The following DIAPH1 variants were observed in gnomAD, a reference collection of about 807,000 sequenced individuals.
DIAPH1 encodes the protein diaphanous related formin 1, also known as protein diaphanous homolog 1.
In DIAPH1, 46 loss-of-function variants were observed where a neutral mutation model predicts 140.7. That is an observed-to-expected ratio of 0.33 (90% CI 0.26 to 0.42). The LOEUF (loss-of-function observed/expected upper bound fraction) is 0.42, where lower values mean the gene tolerates loss of function less well. DIAPH1 is among the 10% of genes least tolerant of loss of function. The pLI is 1.00. For missense variants in DIAPH1, 1,310 were observed against 1,558.7 expected, an observed-to-expected ratio of 0.84 and a Z score of 2.69; for synonymous variants, 565 against 551.6, an observed-to-expected ratio of 1.02 and a Z score of -0.34.
At chr5:141,593,014 A>G (rs2154596880) in intron 1 of DIAPH1, among the ~76,000 whole-genome samples, 1 of 152,324 alleles carries the variant, frequency 6.6e-6, no homozygotes, top group South Asian at 2.1e-4. Flanking sequence ...GGGAAGAACA[A>G]AAGAGCAACT....
At chr5:141,518,944 C>A (rs1398929993) in intron 27 of DIAPH1, 1 of 1,550,628 alleles carries the variant, frequency 6.4e-7, no homozygotes, top group South Asian at 1.2e-5. Flanking sequence ...CACAGGTTAC[C>A]AATTTAAAGG....
intron 1 of DIAPH1, among the ~76,000 whole-genome samples, chr5:141,597,810 T>G (rs2099899551): frequency 2.0e-5 from 3 of 152,178 alleles, no homozygotes; most frequent in African/African-American, 7.2e-5. Context: ...TTTCTTTCCT[T>G]CTCTGCTCTA....
chr5:141,588,411 A>T (rs2099897865), intron 1 of DIAPH1, among the ~76,000 whole-genome samples, 161 bp from the exon 2 acceptor site: 1 of 151,926 alleles, frequency 6.6e-6, no homozygotes, highest in Admixed American at 6.6e-5. Flanking sequence ...ATTCCTTAGC[A>T]CATTCCCTCA....
intron 12 of DIAPH1, 76 bp from the exon 13 acceptor site, chr5:141,576,947 C>T (rs754523776): frequency 1.4e-5 from 13 of 914,826 alleles, no homozygotes; most frequent in South Asian, 4.1e-5. Context: ...ACCAAGAAAA[C>T]GTAATTGCTC....
At chr5:141,520,850 C>T (rs1454945300) in intron 27 of DIAPH1, among the ~76,000 whole-genome samples, 1 of 152,170 alleles carries the variant, frequency 6.6e-6, no homozygotes, top group African/African-American at 2.4e-5. Context: ...CAAAAGTGGG[C>T]TACAGTGCTC....
chr5:141,588,630 C>T (rs1331795306), intron 1 of DIAPH1, among the ~76,000 whole-genome samples: 2 of 152,116 alleles, frequency 1.3e-5, no homozygotes, highest in African/African-American at 4.8e-5. Flanking sequence ...CTGGAAAAAA[C>T]TTTCATGTCC....
intron 1 of DIAPH1, among the ~76,000 whole-genome samples, chr5:141,590,331 C>T (rs2154596784): frequency 6.6e-6 from 1 of 152,270 alleles, no homozygotes; most frequent in East Asian, 1.9e-4. Context: ...GAGGGCTAAT[C>T]ACTCACCCAA....
At chr5:141,601,482 G>T (rs1333756361) in intron 1 of DIAPH1, among the ~76,000 whole-genome samples, 2 of 152,094 alleles carry the variant, frequency 1.3e-5, no homozygotes, top group South Asian at 2.1e-4. Flanking sequence ...TAGAGAAAGG[G>T]TTTCGCCATA....
At chr5:141,574,299 T>G in intron 15 of DIAPH1, 91 bp from the exon 16 acceptor site, 1 of 1,293,894 alleles carries the variant, frequency 7.7e-7, no homozygotes, top group South Asian at 1.2e-5. Context: ...TAATCCAAAC[T>G]TCTCATGTTA....
chr5:141,536,338 T>C (rs191614335), intron 18 of DIAPH1, among the ~76,000 whole-genome samples: 1 of 152,096 alleles, frequency 6.6e-6, no homozygotes, highest in East Asian at 1.9e-4. Context: ...GTAGTCCCAG[T>C]TTGAGGAAGA....
Position 141,565,171 on chromosome 5 carries a change from C to T in DIAPH1, c.2482+6257G>A, listed in dbSNP as rs1263604791. On this transcript the variant is annotated intron_variant, in intron 18 of 27. Transcript: ENST00000389054. The surrounding 1 kb of genome is among the most constrained non-coding windows in gnomAD (Gnocchi z 4.3). ...GACACAAATCTATATGTAAGGACAT[C>T]GAGATGCTAAAACACGTTAAGCAAA... is the stretch of plus-strand genomic sequence containing the variant. The T allele has an allele frequency of 6.6e-6, 1 of 152,018 alleles. No homozygotes were observed. Among genetic ancestry groups the T allele is most frequent in the Non-Finnish European group, 1.5e-5 (1 of 67,992 alleles). The allele number at this position is 152,018 out of a possible 1,614,324, so 9.4% of individuals were successfully genotyped here. A position where few individuals can be genotyped will look rare whatever the true frequency, so the allele number is the denominator to read the frequency against.
chr5:141,587,032 G>A lies in DIAPH1; in HGVS notation c.300+10C>T. ...AGGAAGAAGCAACATTTTGGGAATGGGAAACTTACCAGCATCTGTTCAAAG... is the reference window on the plus strand; with the variant it reads ...AGGAAGAAGCAACATTTTGGGAATGAGAAACTTACCAGCATCTGTTCAAAG... On this transcript the variant is annotated intron_variant, in intron 3 of 27. Transcript: ENST00000389054. 1 of 1,614,026 alleles carries A rather than the reference G, an allele frequency of 6.2e-7. No individual in the cohort carries two copies. The highest frequency in any genetic ancestry group is 8.5e-7 in the Non-Finnish European group (1 of 1,179,970).
In DIAPH1 at chr5:141,527,585, A is replaced by C; in HGVS notation, c.3261T>G (p.Val1087=). The change falls in exon 24 of 28, where the codon GTT becomes GTG. Residue 1087 remains valine (V), a synonymous_variant. Transcript: ENST00000389054. ...CAAGAGAGGATATGGTCATTTTTTC[A>C]ACAAACTTGTCTTTTTCATCTGTGG... ...PAATDEKDKF[V]EKMTSFVKDA... is the part of the protein sequence containing the mutation. 2 of 1,613,674 alleles carry C rather than the reference A, an allele frequency of 1.2e-6. No individual in the cohort carries two copies. The highest frequency in any genetic ancestry group is 1.7e-6 in the Non-Finnish European group (2 of 1,179,932).
At chr5:141,579,235 A>C in intron 8 of DIAPH1, 39 bp from the exon 9 acceptor site, 1 of 1,487,096 alleles carries the variant, frequency 6.7e-7, no homozygotes, top group East Asian at 2.3e-5. Context: ...CTTTCCAGGT[A>C]CTGTGACACG....
intron 20 of DIAPH1, 108 bp downstream of exon 20, chr5:141,529,491 GCATT>G: frequency 9.3e-7 from 1 of 1,070,190 alleles, no homozygotes; most frequent in South Asian, 1.3e-5. Context: ...CTCAAAGCCA[GCATT>G]CATAAGTCAG....
chr5:141,560,793 T>TA (rs1235320054), intron 18 of DIAPH1: 2 of 454,906 alleles, frequency 4.4e-6, no homozygotes, highest in Non-Finnish European at 8.9e-6. Context: ...AGTAACAGGG[T>TA]AAGAGCAGAA....
At chr5:141,573,211 C>T (rs866716216) in intron 16 of DIAPH1, among the ~76,000 whole-genome samples, 11 of 151,646 alleles carry the variant, frequency 7.3e-5, no homozygotes, top group South Asian at 4.2e-4. Context: ...CCGAGACGGG[C>T]GGATCACGAG....
chr5:141,575,201 C>T (rs2099895769), intron 14 of DIAPH1, 55 bp from the exon 15 acceptor site: 1 of 1,572,078 alleles, frequency 6.4e-7, no homozygotes, highest in African/African-American at 1.3e-5. Flanking sequence ...GTAAGAAGCA[C>T]AAGTATTATT....
chr5:141,522,455 A>C (rs568615746), intron 27 of DIAPH1, among the ~76,000 whole-genome samples: 2 of 152,200 alleles, frequency 1.3e-5, no homozygotes, highest in South Asian at 4.1e-4. Context: ...AGCAGAGGGA[A>C]GCCACTGATG....
Sources: gnomAD v4.1 joint callset for allele counts (sites outside exome capture counted in the v4.1 genomes callset) on GRCh38, gnomAD v4.1.1 for gene constraint, Gnocchi (gnomAD v3.1) non-coding constraint, MANE v1.5 for transcripts, NCBI Gene and HGNC (gene_info 2026-07-23, HGNC 2026-07-21) for gene names.